The following TRIM55 variants were observed in gnomAD, a reference collection of about 807,000 sequenced individuals.
The protein encoded by TRIM55 is tripartite motif containing 55.
Under a neutral mutation model 60.9 loss-of-function variants are expected in TRIM55, and 50 were observed. That is an observed-to-expected ratio of 0.82 (90% CI 0.65 to 1.04). The LOEUF is 1.04. TRIM55 is among the 50% of genes least tolerant of loss of function. The probability of loss-of-function intolerance (pLI) is 0.00; values close to 1 mark genes in which losing one functional copy is unlikely to be tolerated. For synonymous variants in TRIM55, 237 were observed against 238.1 expected (o/e 1.00, Z 0.04); for missense variants, 681 against 666.9 (o/e 1.02, Z -0.23).
chr8:66,126,724 A>G (rs926799115), upstream of TRIM55, among the ~76,000 whole-genome samples: 1 of 152,162 alleles, frequency 6.6e-6, no homozygotes, highest in Non-Finnish European at 1.5e-5. Flanking sequence ...TCACCTAAGA[A>G]GGTGCTATTA....
rs184653386 is a variant in TRIM55 at position 66,152,699 on chromosome 8, C to T, written c.1236+72C>T. The T allele has an allele frequency of 5.4e-4, 822 of 1,528,914 alleles. 2 individuals are homozygous for T. The African/African-American group carries it at 0.011, about 20-fold the overall frequency. 94.7% of individuals were successfully genotyped at this position (1,528,914 alleles called of 1,614,324 possible). Reference sequence around the variant, plus strand: ...CTTATGGAATAGCCTAAACAATTTACCCTATTCTGCCTTAAGAAAAAGATA... The same window carrying T: ...CTTATGGAATAGCCTAAACAATTTATCCTATTCTGCCTTAAGAAAAAGATA... On this transcript the variant is annotated intron_variant, in intron 8 of 9. Coordinates refer to ENST00000315962, the MANE Select transcript of TRIM55 (RefSeq NM_184085.2).
chr8:66,152,238 A>G (rs2128981057), intron 7 of TRIM55, 139 bp from the exon 8 acceptor site: 6 of 1,205,938 alleles, frequency 5.0e-6, no homozygotes, highest in Non-Finnish European at 6.7e-6. Flanking sequence ...GGCACGGCAC[A>G]CTTGGACCAT....
Position 66,127,226 on chromosome 8 carries a change from C to T in TRIM55, c.-43C>T, listed in dbSNP as rs369772129. The T allele has an allele frequency of 1.4e-5, 23 of 1,586,968 alleles. No homozygotes were observed. Among genetic ancestry groups the T allele is most frequent in the African/African-American group, 5.4e-5 (4 of 74,288 alleles). ...CCAGGAAACACTTGCTGGAGCCACT[C>T]GCAGCACCCTTCCCTGGCAGCACAC... is the stretch of plus-strand genomic sequence containing the variant. On this transcript the variant is annotated 5_prime_UTR_variant, in exon 1 of 10. Transcript: ENST00000315962.
chr8:66,155,258 G>A (rs1296031603), intron 9 of TRIM55, among the ~76,000 whole-genome samples: 1 of 152,216 alleles, frequency 6.6e-6, no homozygotes, highest in Non-Finnish European at 1.5e-5. Context: ...CTGCCCAAGA[G>A]ACTTCAATTC....
At chr8:66,163,667 T>C (rs1811167506) in intron 9 of TRIM55, among the ~76,000 whole-genome samples, 1 of 152,236 alleles carries the variant, frequency 6.6e-6, no homozygotes, top group African/African-American at 2.4e-5. Context: ...TTTTTAAGTT[T>C]ATTAAGATTT....
rs142686407 is a variant in TRIM55 at position 66,147,651 on chromosome 8, C to T, written c.604-1994C>T. On this transcript the variant is annotated intron_variant, in intron 4 of 9. Coordinates refer to ENST00000315962, the MANE Select transcript of TRIM55 (RefSeq NM_184085.2). ...CTTTACTAAAAATACAAAAATTAGC[C>T]GGGCAAGGTGGCATGTGCCTGTAAT... Among the ~76,000 whole-genome samples, 942 of 151,928 alleles carry T rather than the reference C, an allele frequency of 6.2e-3. 27 individuals carry two copies. The East Asian group carries it at 0.091, about 15-fold the overall frequency.
chr8:66,149,869 G>A lies in TRIM55; in HGVS notation c.828G>A (p.Val276=). ...TTATGGATGAGCCAGAAATGGCAGT[G>A]TTTCTGCAGGTAAGTCTCTTTTTGG... ...IQFMDEPEMA[V]FLQNAKTLLK... The change falls in exon 5 of 10, where the codon GTG becomes GTA. Residue 276 remains valine, a synonymous_variant. Transcript: ENST00000315962. The A allele has an allele frequency of 6.2e-7, 1 of 1,613,182 alleles. No individual in the cohort carries two copies. The highest frequency in any genetic ancestry group is 2.2e-5 in the East Asian group (1 of 44,870).
intron 9 of TRIM55, among the ~76,000 whole-genome samples, chr8:66,162,790 T>G (rs1229125474): frequency 6.6e-6 from 1 of 152,142 alleles, no homozygotes; most frequent in African/African-American, 2.4e-5. Context: ...GTGCTTTTTA[T>G]GTCCCATTTA....
At chr8:66,114,090 C>CT in the TRIM55 span, among the ~76,000 whole-genome samples, 2 of 137,032 alleles carry the variant, frequency 1.5e-5, no homozygotes, top group African/African-American at 2.7e-5. Context: ...ACACCCCCCC[C>CT]CCCATTATTT....
chr8:66,132,024 A>T (rs947435332), intron 2 of TRIM55, among the ~76,000 whole-genome samples: 4 of 152,220 alleles, frequency 2.6e-5, no homozygotes, highest in African/African-American at 9.7e-5. Flanking sequence ...GCTTGTGTTC[A>T]TTCTGCCACA....
At chr8:66,136,751 G>T (rs1809502884) in intron 3 of TRIM55, among the ~76,000 whole-genome samples, 1 of 152,156 alleles carries the variant, frequency 6.6e-6, no homozygotes, top group Non-Finnish European at 1.5e-5. Flanking sequence ...CATTTCCCAA[G>T]TAAAATTGAC....
At chr8:66,126,088 A>T (rs1808808234), upstream of TRIM55, among the ~76,000 whole-genome samples, 1 of 152,214 alleles carries the variant, frequency 6.6e-6, no homozygotes, top group Admixed American at 6.5e-5. Flanking sequence ...GACCAGAGAA[A>T]CTATGGTTTA....
intron 3 of TRIM55, 79 bp downstream of exon 3, chr8:66,135,234 G>A (rs1809414694): frequency 6.6e-7 from 1 of 1,517,820 alleles, no homozygotes. Context: ...AGTGTGAGTG[G>A]CTCCCTGCGG....
chr8:66,125,723 T>C (rs1808794564), upstream of TRIM55, among the ~76,000 whole-genome samples: 1 of 152,204 alleles, frequency 6.6e-6, no homozygotes, highest in African/African-American at 2.4e-5. Context: ...ATCCCTGATA[T>C]GCTTATGAAT....
At chr8:66,137,435 C>T (rs762661834) in intron 4 of TRIM55, among the ~76,000 whole-genome samples, 58 of 152,174 alleles carry the variant, frequency 3.8e-4, no homozygotes, top group Admixed American at 5.2e-4. Flanking sequence ...GTTCTTTCTT[C>T]CTTTTGAAAG....
Position 66,137,156 on chromosome 8 carries a change from T to A in TRIM55, c.569T>A (p.Ile190Asn). ...AGCAACGATCGAGTCCAGGGAGTGA[T>A]CAGCCAGCTGGAAGACACCTGCAAA... ...VGSNDRVQGV[I>N]SQLEDTCKTI... Residue 190 changes from isoleucine (I) to asparagine (N), a missense_variant, in exon 4 of 10, where the codon ATC (isoleucine) becomes AAC (asparagine). By Grantham distance (149) the Ile-to-Asn change is moderately radical. Transcript: ENST00000315962. 1 of 1,614,162 alleles carries A rather than the reference T, an allele frequency of 6.2e-7. No homozygotes were observed.
At chr8:66,173,809 CCTGT>C (rs557806944) in intron 9 of TRIM55, among the ~76,000 whole-genome samples, 83 of 152,160 alleles carry the variant, frequency 5.5e-4, no homozygotes, top group African/African-American at 1.9e-3. Flanking sequence ...AGAATTGCAA[CCTGT>C]CTATCTCAGG....
At chr8:66,139,982 A>G (rs1338581372) in intron 4 of TRIM55, among the ~76,000 whole-genome samples, 1 of 152,176 alleles carries the variant, frequency 6.6e-6, no homozygotes, top group Non-Finnish European at 1.5e-5. Flanking sequence ...TACCTTTTCT[A>G]TGTTTAGATA....
At chr8:66,117,783 A>G in the TRIM55 span, among the ~76,000 whole-genome samples, 2 of 152,164 alleles carry the variant, frequency 1.3e-5, no homozygotes, top group Non-Finnish European at 2.9e-5. Context: ...GGCCATTGGG[A>G]AGACCTTGGG....
Sources: allele counts gnomAD v4.1 joint callset (sites outside exome capture counted in the v4.1 genomes callset), GRCh38; gene constraint gnomAD v4.1.1; transcripts MANE v1.5; gene names NCBI Gene and HGNC (gene_info 2026-07-23, HGNC 2026-07-21).